SV2C: variants seen among roughly 807,000 people sequenced by gnomAD.
The protein encoded by SV2C is synaptic vesicle glycoprotein 2C, also known as solute carrier family 22 member B3.
Under a neutral mutation model 79.7 loss-of-function variants are expected in SV2C, and 49 were observed. The ratio of observed to expected loss-of-function variants is 0.61; its 90% CI spans 0.49 to 0.78. The LOEUF is 0.78. Ranked by LOEUF, SV2C falls within the 30% of genes least tolerant of loss-of-function variation. The pLI is 0.00. For synonymous variants in SV2C, 334 were observed against 333.2 expected (o/e 1.00, Z -0.03); for missense variants, 833 against 912.9 (o/e 0.91, Z 1.13).
the SV2C span, among the ~76,000 whole-genome samples, chr5:75,958,643 A>G: frequency 2.0e-5 from 3 of 151,856 alleles, no homozygotes; most frequent in Non-Finnish European, 2.9e-5. Flanking sequence ...TCTAGTCACT[A>G]CTTCTGGCTT....
At chr5:75,859,314 G>A in the SV2C span, among the ~76,000 whole-genome samples, 2,850 of 152,180 alleles carry the variant, frequency 0.019, 47 homozygotes, top group Middle Eastern at 0.048. Context: ...TCTGTCTCTT[G>A]CCTCTTCACA....
chr5:76,260,258 T>A (rs909976394), intron 4 of SV2C, among the ~76,000 whole-genome samples: 1 of 152,224 alleles, frequency 6.6e-6, no homozygotes, highest in Admixed American at 6.5e-5. Flanking sequence ...GAAGTGTCTG[T>A]TCATATCCTT....
intron 4 of SV2C, among the ~76,000 whole-genome samples, chr5:76,260,635 G>T (rs1475374020): frequency 6.6e-6 from 1 of 152,122 alleles, no homozygotes; most frequent in African/African-American, 2.4e-5. Context: ...TGTAAGGAAG[G>T]TGTCCAGTTT....
At position 76,195,848 on chromosome 5, in the gene SV2C, A is replaced by G. The variant is rs139685792; in HGVS notation, c.761+749A>G. On this transcript the variant is annotated intron_variant, in intron 3 of 12. Coordinates refer to ENST00000502798, the MANE Select transcript of SV2C (RefSeq NM_014979.4). ...CCTGGGTGACAAAATAATCTGTACA[A>G]CAAACCCCCACGACACAAGTTTACC... 5.5e-3 allele frequency among the ~76,000 whole-genome samples: 841 copies of G among 152,286 alleles called. 10 individuals are homozygous for G. Among genetic ancestry groups the G allele is most frequent in the African/African-American group, 0.019 (803 of 41,572 alleles).
At chr5:75,923,571 A>AT in the SV2C span, among the ~76,000 whole-genome samples, 1 of 152,228 alleles carries the variant, frequency 6.6e-6, no homozygotes, top group Non-Finnish European at 1.5e-5. Flanking sequence ...ACAAATCAGC[A>AT]TAAAAAAAAT....
the SV2C span, among the ~76,000 whole-genome samples, chr5:76,072,835 T>C: frequency 0.069 from 10,473 of 152,270 alleles, 1,208 homozygotes; most frequent in African/African-American, 0.24. Context: ...GGTTTTGATT[T>C]GCATTTCCCT....
the SV2C span, chr5:75,910,800 T>A: frequency 7.5e-7 from 1 of 1,338,606 alleles, no homozygotes; most frequent in East Asian, 2.3e-5. Flanking sequence ...TATGTGACCA[T>A]CTTCCAAAAC....
At chr5:75,983,961 TGGA>T in the SV2C span, among the ~76,000 whole-genome samples, 6 of 152,116 alleles carry the variant, frequency 3.9e-5, no homozygotes, top group Non-Finnish European at 8.8e-5. Context: ...AAGAGACAGA[TGGA>T]GGAGACAGCT....
At chr5:76,155,581 C>CT in intron 2 of SV2C, among the ~76,000 whole-genome samples, 1 of 152,254 alleles carries the variant, frequency 6.6e-6, no homozygotes, top group East Asian at 1.9e-4. Flanking sequence ...GTGTGGGGTT[C>CT]TTTCTTTCAT....
Position 76,132,153 on chromosome 5 carries a change from G to A in SV2C, c.403G>A (p.Ala135Thr), listed in dbSNP as rs777567202. 2 of 1,614,190 alleles carry A rather than the reference G, an allele frequency of 1.2e-6. No individual in the cohort carries two copies. The highest frequency in any genetic ancestry group is 2.2e-5 in the South Asian group (2 of 91,082). The change falls in exon 2 of 13, where the codon GCC becomes ACC. Residue 135 changes from alanine (A) to threonine (T), a missense_variant. Transcript: ENST00000502798. ...SERRADEEEL[A>T]QQYELIIQEC... ...AAGGAGAGCTGACGAGGAAGAGTTA[G>A]CCCAGCAGTATGAGCTGATAATCCA...
chr5:76,352,170 G>A (rs246795), intron 12 of SV2C, among the ~76,000 whole-genome samples: 45,751 of 151,932 alleles, frequency 0.3, 7,232 homozygotes, highest in Non-Finnish European at 0.33. Flanking sequence ...CTGAGCTTGC[G>A]CCATTGCACT....
At chr5:75,920,791 A>G in the SV2C span, 7 of 776,930 alleles carry the variant, frequency 9.0e-6, no homozygotes, top group Non-Finnish European at 1.7e-5. Flanking sequence ...TTGATGATGC[A>G]CTTCAGGGAC....
intron 6 of SV2C, among the ~76,000 whole-genome samples, chr5:76,287,305 A>C (rs1301062475): frequency 7.2e-5 from 11 of 152,248 alleles, no homozygotes; most frequent in Admixed American, 7.2e-4. Flanking sequence ...ATAGGAAACC[A>C]GAGAAAGGTA....
At chr5:75,955,507 A>G in the SV2C span, among the ~76,000 whole-genome samples, 3 of 149,576 alleles carry the variant, frequency 2.0e-5, no homozygotes, top group Non-Finnish European at 4.5e-5. Flanking sequence ...TGTCTAAAAC[A>G]CCAAAAGCAA....
intron 10 of SV2C, among the ~76,000 whole-genome samples, chr5:76,299,661 C>T (rs1299664093): frequency 6.6e-6 from 1 of 152,220 alleles, no homozygotes; most frequent in Non-Finnish European, 1.5e-5. Flanking sequence ...TGTTGCCAGA[C>T]CTGCCTTCTT....
intron 2 of SV2C, among the ~76,000 whole-genome samples, chr5:76,191,015 G>A (rs962209583): frequency 7.9e-5 from 11 of 139,714 alleles, no homozygotes; most frequent in South Asian, 2.2e-4. Context: ...AAAGAAATAC[G>A]TGAGACGGAC....
chr5:76,192,703 G>A (rs1247803940), intron 2 of SV2C, among the ~76,000 whole-genome samples: 1 of 152,206 alleles, frequency 6.6e-6, no homozygotes, highest in East Asian at 1.9e-4. Context: ...TAATTGTGCT[G>A]TGTTTGTCTC....
At chr5:75,899,580 G>A in the SV2C span, among the ~76,000 whole-genome samples, 1 of 152,040 alleles carries the variant, frequency 6.6e-6, no homozygotes, top group Non-Finnish European at 1.5e-5. Flanking sequence ...TGTCTATTAG[G>A]TCCGCTTGGT....
chr5:75,873,115 CAAATT>C, the SV2C span, among the ~76,000 whole-genome samples: 3 of 151,656 alleles, frequency 2.0e-5, no homozygotes, highest in Non-Finnish European at 4.4e-5. Context: ...AATATAAAAG[CAAATT>C]AAAAAGAGAT....
Sources: gnomAD v4.1 joint callset for allele counts (sites outside exome capture counted in the v4.1 genomes callset) on GRCh38, gnomAD v4.1.1 for gene constraint, MANE v1.5 for transcripts, NCBI Gene and HGNC (gene_info 2026-07-23, HGNC 2026-07-21) for gene names.